Variants in LRP6 observed in about 807,000 individuals in gnomAD.
LRP6 encodes low-density lipoprotein receptor-related protein 6.
A neutral mutation model predicts 184.1 loss-of-function variants in LRP6; 43 were observed. The ratio of observed to expected loss-of-function variants is 0.23; its 90% CI spans 0.18 to 0.30. The LOEUF (loss-of-function observed/expected upper bound fraction) is 0.30. Ranked by LOEUF, LRP6 falls within the 10% of genes least tolerant of loss-of-function variation. The probability of loss-of-function intolerance (pLI) is 1.00; values close to 1 mark genes in which losing one functional copy is unlikely to be tolerated. For synonymous variants in LRP6, 719 were observed against 684.9 expected, an observed-to-expected ratio of 1.05 and a Z score of -0.78; for missense variants, 1,571 against 2,005.3, an observed-to-expected ratio of 0.78 and a Z score of 4.14.
rs542994512 is a variant in LRP6 at position 12,204,614 on chromosome 12, C to T, written c.450-1214G>A. On this transcript the variant is annotated intron_variant, in intron 2 of 22. Transcript: ENST00000261349. ...TCTCATTACAGAAAAAGAAATTTTT[C>T]TTTGATGTAAAAGAAAAACTCTCTT... 1.0e-3 allele frequency among the ~76,000 whole-genome samples: 153 copies of T among 151,980 alleles called. 1 individual carries two copies. Among genetic ancestry groups the T allele is most frequent in the African/African-American group, 3.6e-3 (148 of 41,466 alleles).
chr12:12,145,776 T>C (rs11054703), intron 15 of LRP6, among the ~76,000 whole-genome samples: 30,677 of 151,358 alleles, frequency 0.2, 3,613 homozygotes, highest in African/African-American at 0.32. Flanking sequence ...AGATTACAGG[T>C]GCCCACCACC....
At chr12:12,207,127 G>T (rs566540139) in intron 2 of LRP6, among the ~76,000 whole-genome samples, 120 of 152,312 alleles carry the variant, frequency 7.9e-4, no homozygotes, top group African/African-American at 2.6e-3. Context: ...GGGCAAACAT[G>T]GCAGGCCATA....
chr12:12,266,779 A>C lies in LRP6; in HGVS notation c.-44T>G. The C allele has an allele frequency of 6.4e-7, 1 of 1,559,546 alleles. No individual in the cohort carries two copies. Among genetic ancestry groups the C allele is most frequent in the East Asian group, 2.3e-5 (1 of 42,858 alleles). On this transcript the variant is annotated 5_prime_UTR_variant, in exon 1 of 23. Coordinates refer to ENST00000261349, the MANE Select transcript of LRP6 (RefSeq NM_002336.3). ...CTTCTCTCACCGGCGAGGGGTGGCCAGAAGTGGGGGAGGCGAGGAGCCGGG... is the reference window on the plus strand; with the variant it reads ...CTTCTCTCACCGGCGAGGGGTGGCCCGAAGTGGGGGAGGCGAGGAGCCGGG...
chr12:12,125,265 T>G, intron 21 of LRP6, 31 bp downstream of exon 21: 1 of 1,612,468 alleles, frequency 6.2e-7, no homozygotes, highest in South Asian at 1.1e-5. Context: ...ATCTTATGTA[T>G]GTCGCATTCA....
chr12:12,131,991 G>T lies in LRP6; in HGVS notation c.3800C>A (p.Ala1267Asp). 6.2e-7 allele frequency: 1 copy of T among 1,614,104 alleles called. No individual in the cohort carries two copies. Among genetic ancestry groups the T allele is most frequent in the Non-Finnish European group, 8.5e-7 (1 of 1,180,022 alleles). Residue 1267 changes from alanine (A) to aspartate (D), a missense_variant, in exon 18 of 23, where the codon GCT becomes GAT. Physicochemically the swap from Ala to Asp is moderately radical, Grantham distance 126. This residue lies in a region of LRP6 where 763 missense variants were observed against 859.5 expected (regional missense o/e 0.89). Transcript: ENST00000261349. ...FTGEIDCIPV[A>D]WRCDGFTECE... ...TTCAGTAAACCCATCGCACCGCCAA[G>T]CCACAGGGATACAGTCAATTTCCCC... is the stretch of plus-strand genomic sequence containing the variant.
chr12:12,243,164 A>C (rs936124308), intron 2 of LRP6, among the ~76,000 whole-genome samples: 12 of 152,222 alleles, frequency 7.9e-5, no homozygotes, highest in Admixed American at 2.0e-4. Context: ...AATTTATTCA[A>C]TAAAGAAATA....
At chr12:12,219,403 C>T (rs1864429358) in intron 2 of LRP6, among the ~76,000 whole-genome samples, 1 of 152,034 alleles carries the variant, frequency 6.6e-6, no homozygotes, top group Admixed American at 6.6e-5. Context: ...ATGAGGTTTC[C>T]CATGTTGGCC....
intron 2 of LRP6, among the ~76,000 whole-genome samples, chr12:12,215,625 A>C (rs1340947429): frequency 6.6e-6 from 1 of 151,514 alleles, no homozygotes; most frequent in Non-Finnish European, 1.5e-5. Flanking sequence ...TGCTGGGATT[A>C]CAGGCGTGAG....
intron 3 of LRP6, among the ~76,000 whole-genome samples, chr12:12,202,938 C>T (rs900507744): frequency 6.6e-6 from 1 of 152,124 alleles, no homozygotes; most frequent in African/African-American, 2.4e-5. Flanking sequence ...AAAGATGCTA[C>T]CCCTGGTGGA....
chr12:12,121,377 G>T lies in LRP6; in HGVS notation c.4591C>A (p.Pro1531Thr). The T allele has an allele frequency of 1.2e-6, 2 of 1,614,166 alleles. No individual in the cohort carries two copies. The highest frequency in any genetic ancestry group is 1.7e-6 in the Non-Finnish European group (2 of 1,180,034). ...SYRHFAPPTT[P>T]CSTDVCDSDY... Reference sequence around the variant, plus strand: ...CTGTCACAAACATCTGTGCTGCAGGGTGTGGTGGGGGGTGCAAAGTGCCGG... The same window carrying T: ...CTGTCACAAACATCTGTGCTGCAGGTTGTGGTGGGGGGTGCAAAGTGCCGG... The change falls in exon 23 of 23, where the codon CCC becomes ACC. Residue 1531 changes from proline (P) to threonine (T), a missense_variant. Coordinates refer to ENST00000261349, the MANE Select transcript of LRP6 (RefSeq NM_002336.3).
rs762418241 is a variant in LRP6 at position 12,208,599 on chromosome 12, G to A, written c.450-5199C>T. 4.5e-4 allele frequency among the ~76,000 whole-genome samples: 68 copies of A among 152,122 alleles called. 1 individual carries two copies. Among genetic ancestry groups the A allele is most frequent in the Non-Finnish European group, 7.3e-5 (5 of 68,028 alleles). On this transcript the variant is annotated intron_variant, in intron 2 of 22. Coordinates refer to ENST00000261349, the MANE Select transcript of LRP6 (RefSeq NM_002336.3). Reference sequence around the variant, plus strand: ...AAACTATAAAGAACTCAAAGGTAAAGACTAGGTGTCACTACCACATCACAA... The same window carrying A: ...AAACTATAAAGAACTCAAAGGTAAAAACTAGGTGTCACTACCACATCACAA...
At chr12:12,218,476 CAATAATAATAATAATAAT>C (rs71435901) in intron 2 of LRP6, among the ~76,000 whole-genome samples, 95 of 140,014 alleles carry the variant, frequency 6.8e-4, no homozygotes, top group Non-Finnish European at 6.7e-4. Flanking sequence ...GACCCTCTCT[CAATAATAATAATAATAAT>C]AATAATAATA....
rs1202538452 is a variant in LRP6, at chr12:12,216,652, AT to A, written c.450-13253del. 8.1e-4 allele frequency among the ~76,000 whole-genome samples: 120 copies of A among 148,284 alleles called. 1 individual carries two copies. Among genetic ancestry groups the A allele is most frequent in the Non-Finnish European group, 1.4e-3 (92 of 66,420 alleles). The stretch of plus-strand genomic sequence containing the variant: ...ATGTGGTCTTCTCTCTGTACTTAAA[AT>A]TTAAAAAAAAAAAAAAAGAAAAGAA... On this transcript the variant is annotated intron_variant, in intron 2 of 22. Coordinates refer to ENST00000261349, the MANE Select transcript of LRP6 (RefSeq NM_002336.3).
chr12:12,198,528 CTCTTTT>C lies in LRP6; in HGVS notation c.647+4669_647+4674del, dbSNP rs1234256770. Among the ~76,000 whole-genome samples the C allele has an allele frequency of 1.4e-3, 161 of 114,416 alleles. 1 individual carries two copies. Among genetic ancestry groups the C allele is most frequent in the African/African-American group, 4.8e-3 (149 of 31,098 alleles). The allele number at this position is 114,416 out of a possible 152,430, so 75.1% of individuals were successfully genotyped here. A position where few individuals can be genotyped will look rare whatever the true frequency, so the allele number is the denominator to read the frequency against. On this transcript the variant is annotated intron_variant, in intron 3 of 22. Coordinates refer to ENST00000261349, the MANE Select transcript of LRP6 (RefSeq NM_002336.3). The stretch of plus-strand genomic sequence containing the variant: ...TCTATCATTTCATTTCTGAATTTTT[CTCTTTT>C]TTTTTTTTTTTTTTTTTTGAGACAG...
chr12:12,258,384 G>A (rs752950381), intron 1 of LRP6, among the ~76,000 whole-genome samples: 1 of 152,170 alleles, frequency 6.6e-6, no homozygotes, highest in East Asian at 1.9e-4. Flanking sequence ...TTACAGGTGT[G>A]AGCCACCATG....
chr12:12,226,110 G>C (rs1301066326), intron 2 of LRP6, among the ~76,000 whole-genome samples: 1 of 152,190 alleles, frequency 6.6e-6, no homozygotes, highest in African/African-American at 2.4e-5. Context: ...CTAAGGGGAT[G>C]AAAAGAACTG....
intron 3 of LRP6, among the ~76,000 whole-genome samples, chr12:12,194,389 G>C (rs184632071): frequency 2.6e-5 from 4 of 152,046 alleles, no homozygotes; most frequent in Non-Finnish European, 4.4e-5. Context: ...TGATCTGGGT[G>C]AATCACCCAG....
At chr12:12,149,601 G>C (rs1258414758) in intron 13 of LRP6, among the ~76,000 whole-genome samples, 7 of 152,158 alleles carry the variant, frequency 4.6e-5, no homozygotes, top group Admixed American at 3.3e-4. Context: ...AATACAACTG[G>C]TAACTAGCAG....
Position 12,135,285 on chromosome 12 carries a change from G to A in LRP6, c.3623C>T (p.Ala1208Val), listed in dbSNP as rs775360407. The change falls in exon 17 of 23, where the codon GCT becomes GTT. Residue 1208 changes from alanine to valine, a missense_variant. By Grantham distance (64) the Ala-to-Val change is moderately conservative. Coordinates refer to ENST00000261349, the MANE Select transcript of LRP6 (RefSeq NM_002336.3). ...ATGTGAACAGCCACCATTATCCTGA[G>A]CACAAGGGTGCTGTCCTGCAAAGAG... ...NLQEYRQHPC[A>V]QDNGGCSHIC... 5.0e-6 allele frequency: 8 copies of A among 1,613,182 alleles called. 1 individual carries two copies. The East Asian group carries it at 1.6e-4, about 31-fold the overall frequency.
Sources: allele counts gnomAD v4.1 joint callset (sites outside exome capture counted in the v4.1 genomes callset), GRCh38; gene constraint gnomAD v4.1.1; regional missense constraint gnomAD v4.1.1; transcripts MANE v1.5; gene names NCBI Gene and HGNC (gene_info 2026-07-23, HGNC 2026-07-21).